KCNIP4: variants seen among roughly 807,000 people sequenced by gnomAD.
The protein encoded by KCNIP4 is potassium voltage-gated channel interacting protein 4.
Under a neutral mutation model 34.0 loss-of-function variants are expected in KCNIP4, and 12 were observed. The observed-to-expected ratio is 0.35, with a 90% CI of 0.23 to 0.57. The LOEUF (loss-of-function observed/expected upper bound fraction) is 0.57. Ranked by LOEUF, KCNIP4 falls within the 20% of genes least tolerant of loss-of-function variation. The pLI is 0.83. For synonymous variants in KCNIP4, 124 were observed against 102.2 expected (o/e 1.21, Z -1.29); for missense variants, 238 against 311.7 (o/e 0.76, Z 1.78).
At chr4:21,049,312 C>T (rs1742730344) in intron 1 of KCNIP4, among the ~76,000 whole-genome samples, 1 of 152,064 alleles carries the variant, frequency 6.6e-6, no homozygotes, top group Non-Finnish European at 1.5e-5. Flanking sequence ...ACATAGTTAC[C>T]CTCCAAATCC....
intron 1 of KCNIP4, among the ~76,000 whole-genome samples, chr4:21,142,018 G>T (rs563741048): frequency 3.3e-4 from 50 of 151,920 alleles, no homozygotes; most frequent in African/African-American, 1.1e-3. Context: ...AGGTGTGGTG[G>T]TGTGCGCCTG....
chr4:21,836,386 T>C (rs1913333), intron 1 of KCNIP4, among the ~76,000 whole-genome samples: 15,069 of 152,118 alleles, frequency 0.099, 2,502 homozygotes, highest in African/African-American at 0.34. Context: ...CTATCTGTGA[T>C]TGGGAAACTA....
At chr4:21,037,564 C>T (rs1035358558) in intron 1 of KCNIP4, among the ~76,000 whole-genome samples, 1 of 152,182 alleles carries the variant, frequency 6.6e-6, no homozygotes, top group African/African-American at 2.4e-5. Flanking sequence ...TGTAAGTATG[C>T]TCTATGATGT....
chr4:21,633,980 T>C (rs1283947642), intron 1 of KCNIP4, among the ~76,000 whole-genome samples: 1 of 152,040 alleles, frequency 6.6e-6, no homozygotes, highest in African/African-American at 2.4e-5. Context: ...ATAGTCATCG[T>C]AGAGCTTCTA....
At chr4:21,497,771 TATAAA>T (rs1732970948) in intron 1 of KCNIP4, among the ~76,000 whole-genome samples, 1 of 152,194 alleles carries the variant, frequency 6.6e-6, no homozygotes, top group East Asian at 1.9e-4. Flanking sequence ...ATTCTACTTA[TATAAA>T]TTTATTTTAA....
intron 1 of KCNIP4, among the ~76,000 whole-genome samples, chr4:21,527,545 A>G (rs1195502257): frequency 2.0e-5 from 3 of 152,106 alleles, no homozygotes; most frequent in Non-Finnish European, 2.9e-5. Flanking sequence ...AAACCTATCT[A>G]AGGATTAGTA....
intron 1 of KCNIP4, among the ~76,000 whole-genome samples, chr4:21,311,182 C>T (rs963707205): frequency 7.2e-5 from 11 of 152,056 alleles, no homozygotes; most frequent in Non-Finnish European, 1.3e-4. Flanking sequence ...AAGTACTGTT[C>T]TAATTGAATT....
intron 1 of KCNIP4, among the ~76,000 whole-genome samples, chr4:21,569,986 CA>C (rs1740239124): frequency 3.3e-5 from 5 of 151,966 alleles, no homozygotes; most frequent in African/African-American, 1.2e-4. Flanking sequence ...GTACTCCCCC[CA>C]CTCAGGTAAA....
chr4:21,558,118 A>C (rs2109027354), intron 1 of KCNIP4, among the ~76,000 whole-genome samples: 1 of 152,326 alleles, frequency 6.6e-6, no homozygotes, highest in African/African-American at 2.4e-5. Flanking sequence ...ACCAGAGAGC[A>C]CACTGCATCC....
At chr4:21,896,155 C>A (rs1443950147) in intron 1 of KCNIP4, among the ~76,000 whole-genome samples, 1 of 152,156 alleles carries the variant, frequency 6.6e-6, no homozygotes, top group Non-Finnish European at 1.5e-5. Flanking sequence ...TCATTTTCTC[C>A]ATCTTACATA....
rs1410530504 is a variant in KCNIP4, at chr4:21,519,373, C to CATATGTGT, written c.61+429197_61+429198insACACATAT. Among the ~76,000 whole-genome samples the CATATGTGT allele has an allele frequency of 4.4e-3, 453 of 102,196 alleles. 4 individuals are homozygous for CATATGTGT. Among genetic ancestry groups the CATATGTGT allele is most frequent in the Middle Eastern group, 5.5e-3 (1 of 182 alleles). The allele number at this position is 102,196 out of a possible 152,430, so 67.0% of individuals were successfully genotyped here. On this transcript the variant is annotated intron_variant, in intron 1 of 8. Coordinates refer to ENST00000382152, the MANE Select transcript of KCNIP4 (RefSeq NM_025221.6). ...ACACACACACACACACACACACACACGTATATGTATGTGTATATATACATA... is the reference window on the plus strand; with the variant it reads ...ACACACACACACACACACACACACACATATGTGTGTATATGTATGTGTATATATACATA...
At chr4:21,835,234 A>G (rs1199308389) in intron 1 of KCNIP4, among the ~76,000 whole-genome samples, 1 of 152,182 alleles carries the variant, frequency 6.6e-6, no homozygotes, top group Non-Finnish European at 1.5e-5. Flanking sequence ...CAGTTTAAAG[A>G]GTGAAAAGAC....
intron 1 of KCNIP4, among the ~76,000 whole-genome samples, chr4:21,319,259 C>T (rs1578071802): frequency 6.6e-6 from 1 of 152,282 alleles, no homozygotes; most frequent in East Asian, 1.9e-4. Context: ...CATTTGGTTG[C>T]AATTGACAGG....
chr4:21,277,771 C>T (rs187162237), intron 1 of KCNIP4, among the ~76,000 whole-genome samples: 12 of 152,104 alleles, frequency 7.9e-5, no homozygotes, highest in African/African-American at 2.9e-4. Context: ...AATAATTCGC[C>T]AGAGTTGAAG....
Position 21,183,320 on chromosome 4 carries a change from C to T in KCNIP4, c.62-300611G>A, listed in dbSNP as rs537022878. Among the ~76,000 whole-genome samples, 7 of 152,196 alleles carry T rather than the reference C, an allele frequency of 4.6e-5. No individual in the cohort carries two copies. The South Asian group carries it at 1.5e-3, about 32-fold the overall frequency. ...GCAATGAACATGAGTGTGCAGGTATCTCTCTTCAATTTATTTTTTTTCCTT... is the reference window on the plus strand; with the variant it reads ...GCAATGAACATGAGTGTGCAGGTATTTCTCTTCAATTTATTTTTTTTCCTT... On this transcript the variant is annotated intron_variant, in intron 1 of 8. Coordinates refer to ENST00000382152, the MANE Select transcript of KCNIP4 (RefSeq NM_025221.6).
At chr4:21,746,803 T>C (rs753558582) in intron 1 of KCNIP4, among the ~76,000 whole-genome samples, 5 of 151,966 alleles carry the variant, frequency 3.3e-5, no homozygotes, top group African/African-American at 9.7e-5. Flanking sequence ...AAACATAAAA[T>C]AGTTACAATT....
chr4:21,048,363 G>A (rs1024986455), intron 1 of KCNIP4, among the ~76,000 whole-genome samples: 2 of 152,112 alleles, frequency 1.3e-5, no homozygotes, highest in African/African-American at 4.8e-5. Context: ...TGAAAGTGAC[G>A]TGCATCACTT....
rs541422572 is a variant in KCNIP4, at chr4:21,303,098, T to C, written c.62-420389A>G. On this transcript the variant is annotated intron_variant, in intron 1 of 8. Coordinates refer to ENST00000382152, the MANE Select transcript of KCNIP4 (RefSeq NM_025221.6). ...CAGATTCCCAGAGAAACATTTAATT[T>C]AGGAAACAATAAGGACAAATACAAA... Among the ~76,000 whole-genome samples, 5 of 152,278 alleles carry C rather than the reference T, an allele frequency of 3.3e-5. No homozygotes were observed. In the East Asian group the frequency reaches 9.7e-4, roughly 29 times the overall value.
intron 1 of KCNIP4, among the ~76,000 whole-genome samples, chr4:21,648,178 T>C (rs1446042809): frequency 6.6e-6 from 1 of 151,992 alleles, no homozygotes; most frequent in Non-Finnish European, 1.5e-5. Flanking sequence ...TGGCCTACAA[T>C]GATACTTTTA....
Sources: gnomAD v4.1 joint callset for allele counts (sites outside exome capture counted in the v4.1 genomes callset) on GRCh38, gnomAD v4.1.1 for gene constraint, MANE v1.5 for transcripts, NCBI Gene and HGNC (gene_info 2026-07-23, HGNC 2026-07-21) for gene names.